The following NEDD4L variants were observed in gnomAD, a reference collection of about 807,000 sequenced individuals.
NEDD4L encodes the protein E3 ubiquitin-protein ligase NEDD4-like.
In NEDD4L, 54 loss-of-function variants were observed where a neutral mutation model predicts 148.9. That is an observed-to-expected ratio of 0.36 (90% CI 0.29 to 0.45). The LOEUF (loss-of-function observed/expected upper bound fraction) is 0.45, where lower values mean the gene tolerates loss of function less well. NEDD4L is among the 20% of genes least tolerant of loss of function. NEDD4L has a pLI of 1.00. For missense variants in NEDD4L, 856 were observed against 1,233.8 expected, an observed-to-expected ratio of 0.69 and a Z score of 4.59; for synonymous variants, 433 against 440.7, an observed-to-expected ratio of 0.98 and a Z score of 0.22.
intron 1 of NEDD4L, among the ~76,000 whole-genome samples, chr18:58,154,534 C>A (rs2035212623): frequency 6.6e-6 from 1 of 152,178 alleles, no homozygotes; most frequent in African/African-American, 2.4e-5. Flanking sequence ...ACCCACACTC[C>A]TAGCACTTTG....
chr18:58,165,750 C>T (rs1212054385), intron 1 of NEDD4L, 38 bp from the exon 2 acceptor site: 1 of 1,571,730 alleles, frequency 6.4e-7, no homozygotes, highest in East Asian at 2.2e-5. Context: ...GATTGAAGAT[C>T]AGGTTTTTAA....
At chr18:58,177,487 TC>T (rs2038312796) in intron 2 of NEDD4L, among the ~76,000 whole-genome samples, 1 of 152,264 alleles carries the variant, frequency 6.6e-6, no homozygotes, top group East Asian at 1.9e-4. Context: ...GCTGCCGGCG[TC>T]CCCACCCCAG....
chr18:58,250,221 C>T lies in NEDD4L; in HGVS notation c.243+1284C>T, dbSNP rs375619885. 1.8e-4 allele frequency among the ~76,000 whole-genome samples: 27 copies of T among 149,796 alleles called. No individual in the cohort carries two copies. The South Asian group carries it at 5.7e-3, about 32-fold the overall frequency. ...CTGGAGTGCAGTGGCACAATCTTAGCTCACTGCAACCTCTGCCTCCCAGGT... is the reference window on the plus strand; with the variant it reads ...CTGGAGTGCAGTGGCACAATCTTAGTTCACTGCAACCTCTGCCTCCCAGGT... On this transcript the variant is annotated intron_variant, in intron 4 of 30. Transcript: ENST00000400345.
At chr18:58,220,889 G>A (rs2043684827) in intron 2 of NEDD4L, among the ~76,000 whole-genome samples, 1 of 152,142 alleles carries the variant, frequency 6.6e-6, no homozygotes, top group Non-Finnish European at 1.5e-5. Context: ...CTCAAACGAG[G>A]ACATGGTGCT....
At chr18:58,190,896 G>A (rs903794556) in intron 2 of NEDD4L, among the ~76,000 whole-genome samples, 3 of 152,190 alleles carry the variant, frequency 2.0e-5, no homozygotes, top group African/African-American at 7.2e-5. Context: ...GAGGCCAGGG[G>A]TTCGAGACCA....
chr18:58,397,771 A>G lies in NEDD4L; in HGVS notation c.*1502A>G, dbSNP rs2050588667. 1 of 152,606 alleles carries G rather than the reference A, an allele frequency of 6.6e-6. No homozygotes were observed. The highest frequency in any genetic ancestry group is 1.5e-5 in the Non-Finnish European group (1 of 68,028). The allele number at this position is 152,606 out of a possible 1,614,324, so 9.5% of individuals were successfully genotyped here. On this transcript the variant is annotated 3_prime_UTR_variant, in exon 31 of 31. Coordinates refer to ENST00000400345, the MANE Select transcript of NEDD4L (RefSeq NM_001144967.3). ...TCCATTGCAGAATTGTCGTGCTTTG[A>G]GAAAACACCTGAGGCAGTGTGGGAG...
rs183377904 is a variant in NEDD4L at position 58,164,269 on chromosome 18, C to T, written c.49-1519C>T. Among the ~76,000 whole-genome samples, 426 of 152,200 alleles carry T rather than the reference C, an allele frequency of 2.8e-3. 4 individuals carry two copies. The highest frequency in any genetic ancestry group is 5.0e-3 in the Non-Finnish European group (341 of 68,014). On this transcript the variant is annotated intron_variant, in intron 1 of 30. Coordinates refer to ENST00000400345, the MANE Select transcript of NEDD4L (RefSeq NM_001144967.3). ...AGCCTTTTGCTGCCATTAGTAAGCA[C>T]GCCTCTATTTTCTCACCTGTGATTG...
At chr18:58,301,469 AC>A (rs1460325744) in intron 5 of NEDD4L, among the ~76,000 whole-genome samples, 1 of 152,164 alleles carries the variant, frequency 6.6e-6, no homozygotes, top group Non-Finnish European at 1.5e-5. Flanking sequence ...CCAGGGAGGT[AC>A]CCTGTAGAAT....
rs149897301 is a variant in NEDD4L at position 58,392,118 on chromosome 18, G to A, written c.2825+559G>A. Among the ~76,000 whole-genome samples the A allele has an allele frequency of 4.3e-3, 658 of 152,344 alleles. 4 individuals carry two copies. The highest frequency in any genetic ancestry group is 0.015 in the African/African-American group (622 of 41,582). On this transcript the variant is annotated intron_variant, in intron 30 of 30. Coordinates refer to ENST00000400345, the MANE Select transcript of NEDD4L (RefSeq NM_001144967.3). ...AGGCCCTCTCAGGAGGCACAGTGACGCAGAAGGGTCCCAGTTGTTTTCTGA... is the reference window on the plus strand; with the variant it reads ...AGGCCCTCTCAGGAGGCACAGTGACACAGAAGGGTCCCAGTTGTTTTCTGA...
At chr18:58,395,352 T>C (rs1385647623) in intron 30 of NEDD4L, among the ~76,000 whole-genome samples, 1 of 152,156 alleles carries the variant, frequency 6.6e-6, no homozygotes, top group African/African-American at 2.4e-5. Context: ...TCTTGAGTAA[T>C]TGAGCCCTTG....
intron 2 of NEDD4L, chr18:58,195,566 G>T (rs746843020): frequency 3.0e-6 from 4 of 1,339,320 alleles, no homozygotes; most frequent in African/African-American, 3.0e-5. Context: ...TGCCTCCCCA[G>T]CACGGCACCT....
At chr18:58,395,498 C>A (rs2050373725) in intron 30 of NEDD4L, among the ~76,000 whole-genome samples, 2 of 151,816 alleles carry the variant, frequency 1.3e-5, no homozygotes, top group Non-Finnish European at 2.9e-5. Context: ...CCCGCCCCCA[C>A]CTGAAGCCTC....
At chr18:58,365,218 A>T (rs753280161) in intron 20 of NEDD4L, among the ~76,000 whole-genome samples, 3 of 152,186 alleles carry the variant, frequency 2.0e-5, no homozygotes, top group Non-Finnish European at 4.4e-5. Context: ...TATTGAAATG[A>T]TTCTTTGCCT....
intron 1 of NEDD4L, among the ~76,000 whole-genome samples, chr18:58,154,480 CT>C (rs1309365967): frequency 2.6e-5 from 4 of 152,208 alleles, no homozygotes; most frequent in African/African-American, 9.6e-5. Context: ...TTAAGCTCAA[CT>C]GTTTTACAAT....
At chr18:58,198,941 A>G (rs1346298874) in intron 2 of NEDD4L, among the ~76,000 whole-genome samples, 1 of 152,062 alleles carries the variant, frequency 6.6e-6, no homozygotes, top group African/African-American at 2.4e-5. Flanking sequence ...AGTAGCTGGG[A>G]TTACAGGTGC....
chr18:58,074,845 T>C (rs2083079608), intron 1 of NEDD4L, among the ~76,000 whole-genome samples: 1 of 152,122 alleles, frequency 6.6e-6, no homozygotes, highest in Non-Finnish European at 1.5e-5. Context: ...CAGGGGTATC[T>C]AGGCACAGGG....
In NEDD4L at chr18:58,396,983, G is replaced by A. The variant is rs2050537041; in HGVS notation, c.*714G>A. On this transcript the variant is annotated 3_prime_UTR_variant, in exon 31 of 31. Coordinates refer to ENST00000400345, the MANE Select transcript of NEDD4L (RefSeq NM_001144967.3). ...AATTTAGCTAATAGCTACAGGCTGA[G>A]AGAATTGTAACATAGCATGACAAAT... is the stretch of plus-strand genomic sequence containing the variant. 1 of 152,612 alleles carries A rather than the reference G, an allele frequency of 6.6e-6. No homozygotes were observed. The highest frequency in any genetic ancestry group is 1.5e-5 in the Non-Finnish European group (1 of 68,020). 9.5% of individuals were successfully genotyped at this position (152,612 alleles called of 1,614,324 possible).
chr18:58,234,469 C>G (rs1313984245), intron 2 of NEDD4L, among the ~76,000 whole-genome samples: 1 of 151,452 alleles, frequency 6.6e-6, no homozygotes, highest in Admixed American at 6.6e-5. Context: ...GTAGCTGGGA[C>G]CATGGGTGTT....
intron 5 of NEDD4L, among the ~76,000 whole-genome samples, chr18:58,311,753 G>T (rs1015836461): frequency 1.3e-5 from 2 of 152,218 alleles, no homozygotes; most frequent in African/African-American, 4.8e-5. Flanking sequence ...TGTTCTTTGA[G>T]AAATTGAGTC....
Sources: allele counts gnomAD v4.1 joint callset (sites outside exome capture counted in the v4.1 genomes callset), GRCh38; gene constraint gnomAD v4.1.1; transcripts MANE v1.5; gene names NCBI Gene and HGNC (gene_info 2026-07-23, HGNC 2026-07-21).